The following PHACTR3 variants were observed in gnomAD, a reference collection of about 807,000 sequenced individuals.
PHACTR3 encodes the protein protein phosphatase 1, regulatory subunit 123.
In PHACTR3, 16 loss-of-function variants were observed where a neutral mutation model predicts 66.8. The observed-to-expected ratio is 0.24, with a 90% CI of 0.16 to 0.36. The LOEUF is 0.36. Ranked by LOEUF, PHACTR3 falls within the 10% of genes least tolerant of loss-of-function variation. The probability of loss-of-function intolerance (pLI) is 1.00; values close to 1 mark genes in which losing one functional copy is unlikely to be tolerated. For missense variants in PHACTR3, 647 were observed against 719.9 expected, an observed-to-expected ratio of 0.90 and a Z score of 1.16; for synonymous variants, 323 against 292.1, an observed-to-expected ratio of 1.11 and a Z score of -1.08.
chr20:59,814,506 C>T (rs1057125710), intron 8 of PHACTR3, among the ~76,000 whole-genome samples: 2 of 152,142 alleles, frequency 1.3e-5, no homozygotes, highest in African/African-American at 4.8e-5. Flanking sequence ...GTGAGACTGC[C>T]CAAGGAGCAC....
At chr20:59,752,897 CCT>C (rs1405412741) in intron 3 of PHACTR3, among the ~76,000 whole-genome samples, 1 of 152,168 alleles carries the variant, frequency 6.6e-6, no homozygotes, top group African/African-American at 2.4e-5. Flanking sequence ...TCTCACATTC[CCT>C]GTGTGTTGCC....
At chr20:59,723,025 CT>C (rs1350161635) in intron 1 of PHACTR3, among the ~76,000 whole-genome samples, 1 of 151,670 alleles carries the variant, frequency 6.6e-6, no homozygotes, top group Non-Finnish European at 1.5e-5. Flanking sequence ...CCCTTTTTTT[CT>C]TTTTTATTTA....
chr20:59,592,282 A>AACCATG (rs1308515538), intron 1 of PHACTR3, among the ~76,000 whole-genome samples: 16 of 152,144 alleles, frequency 1.1e-4, no homozygotes, highest in Non-Finnish European at 1.8e-4. Context: ...AGTATTTCTA[A>AACCATG]ACCATGACCT....
chr20:59,594,112 T>G (rs2033260739), intron 1 of PHACTR3, among the ~76,000 whole-genome samples: 1 of 152,250 alleles, frequency 6.6e-6, no homozygotes, highest in Non-Finnish European at 1.5e-5. Flanking sequence ...TCCATGAACA[T>G]GGATTCTCTC....
chr20:59,784,831 C>T (rs2040848440), intron 7 of PHACTR3, among the ~76,000 whole-genome samples: 3 of 152,166 alleles, frequency 2.0e-5, no homozygotes, highest in South Asian at 2.1e-4. Context: ...ACATGGGAAA[C>T]GCATTCAAAG....
At chr20:59,707,786 C>T (rs2037765422) in intron 1 of PHACTR3, among the ~76,000 whole-genome samples, 4 of 152,078 alleles carry the variant, frequency 2.6e-5, no homozygotes, top group Admixed American at 1.3e-4. Context: ...CTCTTGCCAT[C>T]GAACGTGCCT....
intron 11 of PHACTR3, chr20:59,844,190 AGT>A (rs1469170256): frequency 6.6e-6 from 1 of 152,126 alleles, no homozygotes; most frequent in African/African-American, 2.4e-5. Flanking sequence ...TTAGGAGAAA[AGT>A]GAACTTTTAT....
intron 1 of PHACTR3, among the ~76,000 whole-genome samples, chr20:59,685,434 T>A (rs1417117353): frequency 1.3e-5 from 2 of 152,204 alleles, no homozygotes; most frequent in Non-Finnish European, 2.9e-5. Flanking sequence ...ACCTGGTTCC[T>A]CATTTTCCTC....
chr20:59,577,529 G>A (rs1199931561), exon 1 of PHACTR3: 17 of 1,159,816 alleles, frequency 1.5e-5, no homozygotes, highest in Non-Finnish European at 1.6e-5. Flanking sequence ...GTGGCGGGGG[G>A]CGCGCCCGCT....
chr20:59,661,296 A>G (rs1247465407), intron 1 of PHACTR3, among the ~76,000 whole-genome samples: 1 of 152,246 alleles, frequency 6.6e-6, no homozygotes, highest in Admixed American at 6.5e-5. Context: ...TTTCAGACAG[A>G]GGTCCTGAGC....
intron 8 of PHACTR3, among the ~76,000 whole-genome samples, chr20:59,810,080 A>G (rs2041689014): frequency 7.8e-6 from 1 of 127,428 alleles, no homozygotes; most frequent in African/African-American, 3.5e-5. Context: ...AAGTGAATTG[A>G]TCTAAACAAC....
intron 8 of PHACTR3, among the ~76,000 whole-genome samples, chr20:59,834,894 C>A (rs941305212): frequency 1.3e-5 from 2 of 152,194 alleles, no homozygotes; most frequent in Admixed American, 6.5e-5. Flanking sequence ...GAGCCGCATA[C>A]ATAAAATACA....
At chr20:59,589,251 A>C (rs1418942) in intron 1 of PHACTR3, among the ~76,000 whole-genome samples, 45,960 of 152,162 alleles carry the variant, frequency 0.3, 7,937 homozygotes, top group Non-Finnish European at 0.41. Context: ...CTCAGGGCGA[A>C]GGCCGGTGAG....
intron 1 of PHACTR3, among the ~76,000 whole-genome samples, chr20:59,678,689 A>G (rs1255513398): frequency 6.6e-6 from 1 of 152,224 alleles, no homozygotes; most frequent in Non-Finnish European, 1.5e-5. Context: ...GCCAGAGCAT[A>G]TTATATCATT....
intron 7 of PHACTR3, among the ~76,000 whole-genome samples, chr20:59,778,351 C>T (rs1441631208): frequency 6.6e-6 from 1 of 152,182 alleles, no homozygotes; most frequent in Non-Finnish European, 1.5e-5. Context: ...GCCTCCCTCT[C>T]CCGGCTCGCC....
intron 5 of PHACTR3, among the ~76,000 whole-genome samples, chr20:59,772,897 A>G (rs140306992): frequency 6.6e-6 from 1 of 152,328 alleles, no homozygotes; most frequent in African/African-American, 2.4e-5. Context: ...CATGGTGCTC[A>G]TCCAGGCTGA....
chr20:59,774,523 T>A (rs756959273), intron 7 of PHACTR3, 33 bp downstream of exon 7: 1 of 1,602,910 alleles, frequency 6.2e-7, no homozygotes, highest in South Asian at 1.1e-5. Flanking sequence ...AGTGTGGGGA[T>A]CTCGGCCAGA....
intron 1 of PHACTR3, among the ~76,000 whole-genome samples, chr20:59,641,989 T>C (rs2035118528): frequency 6.6e-6 from 1 of 152,152 alleles, no homozygotes; most frequent in Non-Finnish European, 1.5e-5. Flanking sequence ...GAATCCTGAG[T>C]GGATGTCACA....
In PHACTR3 at chr20:59,829,517, G is replaced by A. The variant is rs1412810788; in HGVS notation, c.1329-6988G>A. ...CGTGCACCCAGATGGTGTGCGCCTG[G>A]GGGCAAGCAGACGAGACATCTGCCC... is the stretch of plus-strand genomic sequence containing the variant. On this transcript the variant is annotated intron_variant, in intron 8 of 12. Coordinates refer to ENST00000371015, the MANE Select transcript of PHACTR3 (RefSeq NM_080672.5). This position sits in a 1 kb window ranked among gnomAD's most constrained non-coding sequence, Gnocchi z 4.2. 6.6e-6 allele frequency among the ~76,000 whole-genome samples: 1 copy of A among 152,232 alleles called. No homozygotes were observed. The highest frequency in any genetic ancestry group is 1.5e-5 in the Non-Finnish European group (1 of 68,040).
Sources: allele counts gnomAD v4.1 joint callset (sites outside exome capture counted in the v4.1 genomes callset), GRCh38; gene constraint gnomAD v4.1.1; non-coding constraint Gnocchi (gnomAD v3.1); transcripts MANE v1.5; gene names NCBI Gene and HGNC (gene_info 2026-07-23, HGNC 2026-07-21).